Variants in TECPR2 observed in about 807,000 individuals in gnomAD.
The protein encoded by TECPR2 is tectonin beta-propeller repeat-containing protein 2.
A neutral mutation model predicts 138.1 loss-of-function variants in TECPR2; 65 were observed. The observed-to-expected ratio is 0.47, with a 90% CI of 0.39 to 0.58. The LOEUF is 0.58. TECPR2 is among the 20% of genes least tolerant of loss of function. The pLI is 0.00. For missense variants in TECPR2, 1,553 were observed against 1,824.5 expected (o/e 0.85, Z 2.71); for synonymous variants, 746 against 749.8 (o/e 0.99, Z 0.08).
chr14:102,440,783 CCTGCATTGACA>C (rs1356326366), intron 11 of TECPR2, among the ~76,000 whole-genome samples, 174 bp downstream of exon 11: 1 of 152,254 alleles, frequency 6.6e-6, no homozygotes, highest in Admixed American at 6.5e-5. Flanking sequence ...TTAGCAGTTT[CCTGCATTGACA>C]CAAACTCAAC....
chr14:102,461,811 A>C (rs1308765538), intron 16 of TECPR2, among the ~76,000 whole-genome samples: 1 of 152,052 alleles, frequency 6.6e-6, no homozygotes, highest in South Asian at 2.1e-4. Context: ...GCCTAACTCT[A>C]AGGGAATGTG....
At chr14:102,479,620 G>C (rs1890841324) in intron 17 of TECPR2, among the ~76,000 whole-genome samples, 3 of 152,230 alleles carry the variant, frequency 2.0e-5, no homozygotes, top group Admixed American at 1.3e-4. Context: ...TGAGATGTGA[G>C]ATTGGGATGG....
chr14:102,419,424 G>A lies in TECPR2; in HGVS notation c.638+4631G>A, dbSNP rs1258577306. Among the ~76,000 whole-genome samples, 8 of 152,254 alleles carry A rather than the reference G, an allele frequency of 5.3e-5. No homozygotes were observed. The East Asian group carries it at 1.4e-3, about 26-fold the overall frequency. ...ACCATGTGGCCTGGTGGGAGTTTTG[G>A]GAGAGGGGCCGTGTGGCAGCACATT... On this transcript the variant is annotated intron_variant, in intron 5 of 19. Coordinates refer to ENST00000359520, the MANE Select transcript of TECPR2 (RefSeq NM_014844.5). This position sits in a 1 kb window ranked among gnomAD's most constrained non-coding sequence, Gnocchi z 4.8.
chr14:102,388,738 G>A (rs1191208293), intron 2 of TECPR2, among the ~76,000 whole-genome samples: 4 of 152,166 alleles, frequency 2.6e-5, no homozygotes, highest in Non-Finnish European at 4.4e-5. Context: ...TGAGGCGGGC[G>A]GATCACGAGA....
intron 17 of TECPR2, among the ~76,000 whole-genome samples, chr14:102,473,345 A>G (rs1339580747): frequency 1.3e-5 from 2 of 152,216 alleles, no homozygotes; most frequent in Admixed American, 6.5e-5. Context: ...GTGAGGGGAG[A>G]TGGGGGTTCA....
chr14:102,461,291 GTAATT>G (rs888212106), intron 16 of TECPR2, among the ~76,000 whole-genome samples: 2 of 152,144 alleles, frequency 1.3e-5, no homozygotes, highest in Admixed American at 6.6e-5. Context: ...AATGAAATTT[GTAATT>G]TAATTTATCA....
intron 11 of TECPR2, among the ~76,000 whole-genome samples, chr14:102,441,623 G>C (rs1325703071): frequency 2.0e-5 from 3 of 152,064 alleles, no homozygotes; most frequent in Non-Finnish European, 4.4e-5. Context: ...CTGGGAGGCA[G>C]AGCTTGCAGT....
Position 102,463,398 on chromosome 14 carries a change from CAG to C in TECPR2, c.3641-1740_3641-1739del, listed in dbSNP as rs1399250440. On this transcript the variant is annotated intron_variant, in intron 16 of 19. Coordinates refer to ENST00000359520, the MANE Select transcript of TECPR2 (RefSeq NM_014844.5). ...CGCCACTGCACTCCAGCCTGGGCGACAGAGCGAGACTCCGTCTCAAAAAAAAA... is the reference window on the plus strand; with the variant it reads ...CGCCACTGCACTCCAGCCTGGGCGACAGCGAGACTCCGTCTCAAAAAAAAA... Among the ~76,000 whole-genome samples the C allele has an allele frequency of 2.6e-5, 3 of 115,992 alleles. No homozygotes were observed. The East Asian group carries it at 7.6e-4, about 29-fold the overall frequency. The allele number at this position is 115,992 out of a possible 152,430, so 76.1% of individuals were successfully genotyped here.
At chr14:102,370,704 C>CT (rs1213962191) in intron 1 of TECPR2, among the ~76,000 whole-genome samples, 1 of 152,182 alleles carries the variant, frequency 6.6e-6, no homozygotes, top group Non-Finnish European at 1.5e-5. Flanking sequence ...ATGACATCAG[C>CT]TTTGCACATC....
At chr14:102,481,160 G>A (rs1890885922) in intron 17 of TECPR2, among the ~76,000 whole-genome samples, 1 of 151,968 alleles carries the variant, frequency 6.6e-6, no homozygotes, top group African/African-American at 2.4e-5. Flanking sequence ...CTACAGGTGA[G>A]TGCCACTATG....
In TECPR2 at chr14:102,425,882, T is replaced by G. The variant is rs1458783542; in HGVS notation, c.951+591T>G. Among the ~76,000 whole-genome samples, 66 of 140,628 alleles carry G rather than the reference T, an allele frequency of 4.7e-4. 1 individual carries two copies. Among genetic ancestry groups the G allele is most frequent in the South Asian group, 1.8e-3 (8 of 4,470 alleles). The allele number at this position is 140,628 out of a possible 152,430, so 92.3% of individuals were successfully genotyped here. On this transcript the variant is annotated intron_variant, in intron 6 of 19. Coordinates refer to ENST00000359520, the MANE Select transcript of TECPR2 (RefSeq NM_014844.5). ...AGCCACCATGCCTGGTTTTTTTTTT[T>G]GTTTTTTTTTTTTGAGATGGAGTCC...
intron 1 of TECPR2, among the ~76,000 whole-genome samples, chr14:102,372,620 T>C (rs12896625): frequency 0.71 from 107,478 of 152,068 alleles, 38,225 homozygotes; most frequent in Middle Eastern, 0.76. Flanking sequence ...TGGTGGTTCA[T>C]ACCTGTAATC....
intron 17 of TECPR2, among the ~76,000 whole-genome samples, chr14:102,492,236 C>A (rs1891173261): frequency 1.3e-5 from 2 of 152,234 alleles, no homozygotes; most frequent in Non-Finnish European, 2.9e-5. Context: ...TGCAGGCTGG[C>A]CTCTCACCTA....
Position 102,420,054 on chromosome 14 carries a change from C to T in TECPR2, c.639-4925C>T, listed in dbSNP as rs1203345105. ...TTCTCACTCAGCTTAGACTTTCAGG[C>T]TCCCATTTTGGGTGCTGTCAGCTTT... On this transcript the variant is annotated intron_variant, in intron 5 of 19. Transcript: ENST00000359520. The surrounding 1 kb of genome is among the most constrained non-coding windows in gnomAD (Gnocchi z 4.1). 2.0e-5 allele frequency among the ~76,000 whole-genome samples: 3 copies of T among 152,166 alleles called. No homozygotes were observed. Among genetic ancestry groups the T allele is most frequent in the Admixed American group, 6.5e-5 (1 of 15,274 alleles).
intron 16 of TECPR2, among the ~76,000 whole-genome samples, chr14:102,459,778 A>T (rs1413351094): frequency 6.6e-6 from 1 of 152,044 alleles, no homozygotes; most frequent in Non-Finnish European, 1.5e-5. Flanking sequence ...AAACCAAAAA[A>T]TCTTGTTAGA....
At chr14:102,427,946 A>T (rs1017260775) in intron 6 of TECPR2, among the ~76,000 whole-genome samples, 1 of 152,178 alleles carries the variant, frequency 6.6e-6, no homozygotes, top group South Asian at 2.1e-4. Context: ...TTCACCATGG[A>T]GGAACAGGGC....
At chr14:102,386,716 A>C (rs1159010958) in intron 2 of TECPR2, among the ~76,000 whole-genome samples, 1 of 152,166 alleles carries the variant, frequency 6.6e-6, no homozygotes, top group Admixed American at 6.6e-5. Flanking sequence ...TTTTTGGTAC[A>C]TATTACACGC....
intron 17 of TECPR2, among the ~76,000 whole-genome samples, chr14:102,486,310 A>C (rs1053049050): frequency 6.6e-6 from 1 of 151,996 alleles, no homozygotes; most frequent in African/African-American, 2.4e-5. Flanking sequence ...TTAAAAAAAA[A>C]TTTTTTTGAG....
At chr14:102,401,918 A>G (rs528262269) in intron 2 of TECPR2, among the ~76,000 whole-genome samples, 1 of 152,154 alleles carries the variant, frequency 6.6e-6, no homozygotes, top group East Asian at 1.9e-4. Flanking sequence ...CGGGGTGGCT[A>G]TTCTACTATC....
Sources: gnomAD v4.1 joint callset for allele counts (sites outside exome capture counted in the v4.1 genomes callset) on GRCh38, gnomAD v4.1.1 for gene constraint, Gnocchi (gnomAD v3.1) non-coding constraint, MANE v1.5 for transcripts, NCBI Gene and HGNC (gene_info 2026-07-23, HGNC 2026-07-21) for gene names.